The following RRN3 variants were observed in gnomAD, a reference collection of about 807,000 sequenced individuals.
RRN3 encodes RNA polymerase I-specific transcription initiation factor RRN3.
A neutral mutation model predicts 82.3 loss-of-function variants in RRN3; 38 were observed. That is an observed-to-expected ratio of 0.46 (90% CI 0.36 to 0.61). RRN3 has a LOEUF of 0.61. Ranked by LOEUF, RRN3 falls within the 20% of genes least tolerant of loss-of-function variation. The pLI, the probability that RRN3 is intolerant of heterozygous loss-of-function variation, is 0.00. For synonymous variants in RRN3, 284 were observed against 284.3 expected, an observed-to-expected ratio of 1.00 and a Z score of 0.01; for missense variants, 726 against 793.1, an observed-to-expected ratio of 0.92 and a Z score of 1.02.
Position 15,072,918 on chromosome 16 carries a change from G to C in RRN3, c.1128+32C>G, listed in dbSNP as rs780934912. The C allele has an allele frequency of 1.9e-6, 3 of 1,607,304 alleles. No individual in the cohort carries two copies. In the African/African-American group the frequency reaches 4.0e-5, roughly 22 times the overall value. On this transcript the variant is annotated intron_variant, in intron 12 of 17. Transcript: ENST00000198767. Reference sequence around the variant, plus strand: ...AAATTTTTGGGCAAAAACAAAGTAAGCTAAGATAATGTTAATCACATTCTT... The same window carrying C: ...AAATTTTTGGGCAAAAACAAAGTAACCTAAGATAATGTTAATCACATTCTT...
chr16:15,079,046 G>A (rs1462567671), intron 9 of RRN3, among the ~76,000 whole-genome samples: 3 of 151,956 alleles, frequency 2.0e-5, no homozygotes, highest in Non-Finnish European at 4.4e-5. Flanking sequence ...TCCTGACCTC[G>A]TGATCCGCCC....
intron 15 of RRN3, among the ~76,000 whole-genome samples, chr16:15,067,711 A>G (rs1164723668): frequency 6.6e-6 from 1 of 152,024 alleles, no homozygotes; most frequent in Non-Finnish European, 1.5e-5. Context: ...ACGCCATCAA[A>G]GTATAAAAAC....
At chr16:15,063,704 CAAAAAAAAAAAAAAAAAA>C (rs2044822751) in intron 16 of RRN3, among the ~76,000 whole-genome samples, 1 of 89,130 alleles carries the variant, frequency 1.1e-5, no homozygotes, top group Non-Finnish European at 2.0e-5. Flanking sequence ...GACTCTGTCT[CAAAAAAAAAAAAAAAAAA>C]GAAAAAAACA....
At chr16:15,064,290 C>G (rs1176616150) in intron 16 of RRN3, among the ~76,000 whole-genome samples, 1 of 152,142 alleles carries the variant, frequency 6.6e-6, no homozygotes, top group Non-Finnish European at 1.5e-5. Flanking sequence ...ATTCTCCTGC[C>G]TCAGCCTCCC....
At position 15,071,204 on chromosome 16, in the gene RRN3, G is replaced by A. The variant is rs370313375; in HGVS notation, c.1176C>T (p.Asp392=). 2.5e-6 allele frequency: 4 copies of A among 1,610,814 alleles called. No homozygotes were observed. The African/African-American group carries it at 4.0e-5, about 16-fold the overall frequency. The change falls in exon 13 of 18, where the codon GAC becomes GAT. Residue 392 remains aspartate, a synonymous_variant. Coordinates refer to ENST00000198767, the MANE Select transcript of RRN3 (RefSeq NM_018427.5). ...GCCTGATGATGGCAGGATTACTTGG[G>A]TCCTGCAATTTTTTCCAGAGATGTT... The part of the protein sequence containing the change: ...FLEHLWKKLQ[D]PSNPAIIRQA...
chr16:15,071,239 C>T lies in RRN3; in HGVS notation c.1141G>A (p.Ala381Thr). 3 of 1,609,854 alleles carry T rather than the reference C, an allele frequency of 1.9e-6. No individual in the cohort carries two copies. The highest frequency in any genetic ancestry group is 2.5e-6 in the Non-Finnish European group (3 of 1,179,040). The change falls in exon 13 of 18, where the codon GCA becomes ACA. Residue 381 changes from alanine (A) to threonine (T), a missense_variant. This residue lies in a region of RRN3 where 344 missense variants were observed against 394.5 expected (regional missense o/e 0.87). Transcript: ENST00000198767. ...TTTTTCCAGAGATGTTCCAAAAATGCCTCTGCGAATCCCTATAAAAAGAGA... is the reference window on the plus strand; with the variant it reads ...TTTTTCCAGAGATGTTCCAAAAATGTCTCTGCGAATCCCTATAAAAAGAGA... ...LCSFKLGFAE[A>T]FLEHLWKKLQ...
At chr16:15,063,165 CGA>C (rs753385620) in intron 17 of RRN3, 29 bp downstream of exon 17, 1 of 1,432,152 alleles carries the variant, frequency 7.0e-7, no homozygotes, top group South Asian at 1.1e-5. Flanking sequence ...AAGGAGATTC[CGA>C]GAGTGTGCTC....
At chr16:15,080,931 C>G (rs1454910980) in intron 8 of RRN3, among the ~76,000 whole-genome samples, 4 of 151,578 alleles carry the variant, frequency 2.6e-5, no homozygotes, top group Admixed American at 2.0e-4. Flanking sequence ...GAGTCATACA[C>G]AGTTTGTGGC....
At chr16:15,062,152 AAAAAC>A (rs1162063589) in intron 17 of RRN3, among the ~76,000 whole-genome samples, 1 of 152,218 alleles carries the variant, frequency 6.6e-6, no homozygotes, top group Non-Finnish European at 1.5e-5. Flanking sequence ...ATGTCTCTAG[AAAAAC>A]AGAACAGAAC....
intron 11 of RRN3, among the ~76,000 whole-genome samples, chr16:15,074,515 A>C (rs1005489932): frequency 2.0e-5 from 3 of 152,240 alleles, no homozygotes; most frequent in Admixed American, 6.5e-5. Flanking sequence ...AAAAGACAGA[A>C]GACAAATATA....
chr16:15,092,527 G>C lies in RRN3; in HGVS notation c.177C>G (p.Val59=), dbSNP rs774073684. 1.9e-6 allele frequency: 3 copies of C among 1,612,168 alleles called. No homozygotes were observed. Among genetic ancestry groups the C allele is most frequent in the South Asian group, 1.1e-5 (1 of 91,036 alleles). The part of the protein sequence containing the change: ...TVRFGGTVTE[V]LLKYKKGETN... The stretch of plus-strand genomic sequence containing the variant: ...CCCTTACCTTTTTGTACTTCAGCAA[G>C]ACTTCTGTCACAGTTCCACCAAACC... Residue 59 remains valine, a synonymous_variant, in exon 2 of 18, where the codon GTC becomes GTG. Coordinates refer to ENST00000198767, the MANE Select transcript of RRN3 (RefSeq NM_018427.5).
At chr16:15,062,709 A>G (rs3883218) in intron 17 of RRN3, among the ~76,000 whole-genome samples, 1 of 152,236 alleles carries the variant, frequency 6.6e-6, no homozygotes, top group Non-Finnish European at 1.5e-5. Flanking sequence ...ATCTAAATTC[A>G]TTCAGCTAAT....
chr16:15,077,035 A>G (rs1457814446), intron 9 of RRN3, among the ~76,000 whole-genome samples: 1 of 150,048 alleles, frequency 6.7e-6, no homozygotes, highest in Non-Finnish European at 1.5e-5. Flanking sequence ...GCTGGAATAC[A>G]ATGGCAAGAT....
At position 15,079,874 on chromosome 16, in the gene RRN3, G is replaced by C. The variant is rs1366691599; in HGVS notation, c.765+124C>G. On this transcript the variant is annotated intron_variant, in intron 9 of 17. Coordinates refer to ENST00000198767, the MANE Select transcript of RRN3 (RefSeq NM_018427.5). ...GGCCTCCCAAAGTGCTGGGAATACA[G>C]GCGTGAGTCACCACGCCTGGCCAAG... 5 of 1,149,600 alleles carry C rather than the reference G, an allele frequency of 4.3e-6. No homozygotes were observed. In the East Asian group the frequency reaches 1.4e-4, roughly 32 times the overall value. The allele number at this position is 1,149,600 out of a possible 1,614,324, so 71.2% of individuals were successfully genotyped here.
At chr16:15,089,364 T>C (rs2046028689) in intron 3 of RRN3, among the ~76,000 whole-genome samples, 1 of 151,770 alleles carries the variant, frequency 6.6e-6, no homozygotes, top group African/African-American at 2.4e-5. Context: ...CACAAATATA[T>C]TAGGACACAG....
At chr16:15,064,466 C>A (rs1383657650) in intron 16 of RRN3, among the ~76,000 whole-genome samples, 1 of 152,150 alleles carries the variant, frequency 6.6e-6, no homozygotes, top group African/African-American at 2.4e-5. Flanking sequence ...TGAGCCATTA[C>A]GCCCAGCCAA....
rs1207564548 is a variant in RRN3, at chr16:15,091,188, C to G, written c.252+127G>C. ...TAAAACTGTCCCTGGTTGAGAACCA[C>G]CAGATTAAAATAAGGGAGGACCATG... On this transcript the variant is annotated intron_variant, in intron 3 of 17. Transcript: ENST00000198767. 75 of 1,082,734 alleles carry G rather than the reference C, an allele frequency of 6.9e-5. No individual in the cohort carries two copies. In the Admixed American group the frequency reaches 2.1e-3, roughly 30 times the overall value. The allele number at this position is 1,082,734 out of a possible 1,614,324, so 67.1% of individuals were successfully genotyped here.
intron 15 of RRN3, among the ~76,000 whole-genome samples, chr16:15,065,730 C>A (rs1237494020): frequency 1.3e-5 from 2 of 152,034 alleles, no homozygotes; most frequent in Non-Finnish European, 2.9e-5. Flanking sequence ...CTATAGGTGT[C>A]TTTATTTTTA....
At chr16:15,089,308 AAAATG>A (rs768544015) in intron 3 of RRN3, among the ~76,000 whole-genome samples, 7 of 152,162 alleles carry the variant, frequency 4.6e-5, no homozygotes, top group South Asian at 4.2e-4. Flanking sequence ...CCCAAAAACG[AAAATG>A]AAATAAGTCT....
Sources: gnomAD v4.1 joint callset for allele counts (sites outside exome capture counted in the v4.1 genomes callset) on GRCh38, gnomAD v4.1.1 for gene constraint, gnomAD v4.1.1 regional missense constraint, MANE v1.5 for transcripts, NCBI Gene and HGNC (gene_info 2026-07-23, HGNC 2026-07-21) for gene names.